PIP4P2: variants seen among roughly 807,000 people sequenced by gnomAD.
PIP4P2 encodes phosphatidylinositol-4,5-bisphosphate 4-phosphatase 2.
A neutral mutation model predicts 33.3 loss-of-function variants in PIP4P2; 19 were observed. That is an observed-to-expected ratio of 0.57 (90% confidence interval 0.40 to 0.84). The LOEUF is 0.84. PIP4P2 is among the 40% of genes least tolerant of loss of function. The pLI is 0.00. For synonymous variants in PIP4P2, 110 were observed against 111.9 expected (o/e 0.98, Z 0.11); for missense variants, 270 against 324.7 (o/e 0.83, Z 1.29).
intron 1 of PIP4P2, among the ~76,000 whole-genome samples, chr8:91,031,686 C>T (rs1403836874): frequency 3.3e-5 from 5 of 152,138 alleles, no homozygotes; most frequent in Admixed American, 3.3e-4. Flanking sequence ...ACAGTGCATG[C>T]TAGTTGGGCT....
intron 5 of PIP4P2, among the ~76,000 whole-genome samples, chr8:90,999,051 T>C (rs1423949773): frequency 2.0e-5 from 3 of 151,864 alleles, no homozygotes. Context: ...ATCCAGCATC[T>C]ATAAGAACTT....
intron 4 of PIP4P2, among the ~76,000 whole-genome samples, chr8:91,011,063 TAGAC>T (rs201495036): frequency 0.023 from 2,896 of 125,956 alleles, 40 homozygotes; most frequent in East Asian, 0.076. Context: ...GATAGATAGA[TAGAC>T]AGATAGATAC....
intron 6 of PIP4P2, 135 bp downstream of exon 6, chr8:90,996,519 C>A: frequency 1.7e-6 from 1 of 591,460 alleles, no homozygotes; most frequent in East Asian, 3.2e-5. Flanking sequence ...TGCTCATAAT[C>A]ATTCAGAAGC....
intron 4 of PIP4P2, among the ~76,000 whole-genome samples, chr8:91,012,417 A>G (rs965805554): frequency 5.9e-5 from 9 of 152,054 alleles, no homozygotes; most frequent in Non-Finnish European, 7.4e-5. Context: ...TATGAAGAAT[A>G]TAAGATTAGT....
At chr8:91,018,036 A>G (rs1248368289) in intron 4 of PIP4P2, among the ~76,000 whole-genome samples, 1 of 152,162 alleles carries the variant, frequency 6.6e-6, no homozygotes, top group Non-Finnish European at 1.5e-5. Context: ...AAGCAAATCT[A>G]CTGCATGAGA....
chr8:91,005,344 G>C (rs1811751353), intron 5 of PIP4P2, among the ~76,000 whole-genome samples: 1 of 151,930 alleles, frequency 6.6e-6, no homozygotes, highest in Admixed American at 6.6e-5. Flanking sequence ...TGCACAGGTA[G>C]CTCCTTCTAC....
intron 5 of PIP4P2, among the ~76,000 whole-genome samples, chr8:91,001,037 G>C (rs574150581): frequency 1.3e-5 from 2 of 151,978 alleles, no homozygotes; most frequent in South Asian, 4.2e-4. Flanking sequence ...ATAATTTCTA[G>C]AAGTTCTATT....
chr8:91,007,371 C>T (rs990428286), intron 5 of PIP4P2, among the ~76,000 whole-genome samples: 6 of 152,180 alleles, frequency 3.9e-5, no homozygotes, highest in African/African-American at 1.4e-4. Context: ...TTTTGCTACA[C>T]ATATTCTACT....
At chr8:91,004,333 T>C (rs868257479) in intron 5 of PIP4P2, among the ~76,000 whole-genome samples, 11 of 151,954 alleles carry the variant, frequency 7.2e-5, no homozygotes, top group Admixed American at 1.3e-4. Context: ...TTTTTTTCTA[T>C]TGGGCCCCCA....
intron 1 of PIP4P2, among the ~76,000 whole-genome samples, chr8:91,029,424 A>G (rs138767492): frequency 6.6e-6 from 1 of 152,298 alleles, no homozygotes; most frequent in Non-Finnish European, 1.5e-5. Context: ...TCTAATGAGG[A>G]CAAAGATCTG....
chr8:91,012,922 A>C (rs1261366906), intron 4 of PIP4P2, among the ~76,000 whole-genome samples: 3 of 152,218 alleles, frequency 2.0e-5, no homozygotes, highest in Non-Finnish European at 4.4e-5. Context: ...ATTCATTGCC[A>C]GATGATTCTA....
chr8:91,013,125 T>C (rs1028750590), intron 4 of PIP4P2, among the ~76,000 whole-genome samples: 5 of 152,188 alleles, frequency 3.3e-5, no homozygotes, highest in Non-Finnish European at 5.9e-5. Flanking sequence ...CTCTTTGCTA[T>C]CCATTCCTCT....
chr8:91,031,570 G>A (rs1291708913), intron 1 of PIP4P2, among the ~76,000 whole-genome samples: 1 of 152,168 alleles, frequency 6.6e-6, no homozygotes, highest in Non-Finnish European at 1.5e-5. Flanking sequence ...CTCAATATGA[G>A]AGGAAGAAAA....
In PIP4P2 at chr8:91,040,799, C is replaced by T. The variant is rs776177183; in HGVS notation, c.-50G>A. 3.2e-6 allele frequency: 5 copies of T among 1,553,440 alleles called. No individual in the cohort carries two copies. The highest frequency in any genetic ancestry group is 2.2e-5 in the South Asian group (2 of 89,452). On this transcript the variant is annotated 5_prime_UTR_variant, in exon 1 of 7. Transcript: ENST00000285419. ...GGAGGCCGAGCCGGGGTTGCGGCCT[C>T]GGCGGAGTGGTGGCTACTGCTGCTG...
chr8:91,027,879 C>T (rs2130376421), intron 1 of PIP4P2, among the ~76,000 whole-genome samples: 1 of 152,260 alleles, frequency 6.6e-6, no homozygotes, highest in African/African-American at 2.4e-5. Flanking sequence ...CTGGGAAGGG[C>T]CAGAGCATAC....
At chr8:91,030,299 GA>G (rs1197763101) in intron 1 of PIP4P2, among the ~76,000 whole-genome samples, 1 of 151,932 alleles carries the variant, frequency 6.6e-6, no homozygotes, top group Non-Finnish European at 1.5e-5. Flanking sequence ...TGGTCTTAGG[GA>G]AAAGTGTATA....
intron 5 of PIP4P2, among the ~76,000 whole-genome samples, chr8:91,002,498 G>C (rs189466294): frequency 6.6e-6 from 1 of 152,254 alleles, no homozygotes; most frequent in Non-Finnish European, 1.5e-5. Flanking sequence ...GAATTTATAA[G>C]GGGAAAAGGC....
intron 1 of PIP4P2, among the ~76,000 whole-genome samples, chr8:91,031,864 A>G (rs1297300002): frequency 6.6e-6 from 1 of 152,240 alleles, no homozygotes; most frequent in African/African-American, 2.4e-5. Context: ...ATTTATAGAT[A>G]TATTTTCCTA....
intron 4 of PIP4P2, among the ~76,000 whole-genome samples, chr8:91,013,669 G>C (rs981716911): frequency 6.6e-6 from 1 of 152,028 alleles, no homozygotes; most frequent in Non-Finnish European, 1.5e-5. Context: ...TGAGTAGCTA[G>C]GACTATAGGT....
Sources: gnomAD v4.1 joint callset for allele counts (sites outside exome capture counted in the v4.1 genomes callset) on GRCh38, gnomAD v4.1.1 for gene constraint, MANE v1.5 for transcripts, NCBI Gene and HGNC (gene_info 2026-07-23, HGNC 2026-07-21) for gene names.